PRH1: variants seen among roughly 807,000 people sequenced by gnomAD.
PRH1 encodes the protein salivary acidic proline-rich phosphoprotein 1/2.
PRH1 carries 7 observed loss-of-function variants against 7.9 expected under a neutral mutation model. The ratio of observed to expected loss-of-function variants is 0.89; its 90% confidence interval spans 0.50 to 1.67. The LOEUF (loss-of-function observed/expected upper bound fraction) is 1.67, where lower values mean the gene tolerates loss of function less well. PRH1 is among the 40% of genes most tolerant of loss of function. PRH1 has a pLI of 0.00. For missense variants in PRH1, 109 were observed against 223.6 expected, an observed-to-expected ratio of 0.49 and a Z score of 3.27; for synonymous variants, 45 against 80.8, an observed-to-expected ratio of 0.56 and a Z score of 2.38.
At chr12:11,110,790 A>C (rs551330656) in intron 1 of PRH1, among the ~76,000 whole-genome samples, 1 of 152,326 alleles carries the variant, frequency 6.6e-6, no homozygotes, top group East Asian at 1.9e-4. Context: ...ATAGGAAAAA[A>C]ATCACACATA....
chr12:11,021,570 A>G, intron 1 of PRH1: 3 of 933,550 alleles, frequency 3.2e-6, no homozygotes, highest in Non-Finnish European at 4.8e-6. Flanking sequence ...AAAAACTGAT[A>G]GAAATATAAA....
intron 1 of PRH1, among the ~76,000 whole-genome samples, chr12:11,128,110 C>CAA (rs71434172): frequency 7.0e-5 from 7 of 100,566 alleles, no homozygotes; most frequent in South Asian, 3.4e-4. Flanking sequence ...GACTCAGTCT[C>CAA]AAAAAAAAAA....
At chr12:10,929,005 C>G (rs188078774) in intron 2 of PRH1, among the ~76,000 whole-genome samples, 197 of 152,270 alleles carry the variant, frequency 1.3e-3, no homozygotes, top group African/African-American at 4.3e-3. Flanking sequence ...GACACAGTTC[C>G]GTCAAAACAT....
At chr12:11,114,556 T>C (rs1170993968) in intron 1 of PRH1, among the ~76,000 whole-genome samples, 1 of 152,142 alleles carries the variant, frequency 6.6e-6, no homozygotes. Context: ...CTAATGTAGA[T>C]GACGGGTTGA....
chr12:11,104,340 G>T (rs929683142), intron 1 of PRH1, among the ~76,000 whole-genome samples: 2 of 151,920 alleles, frequency 1.3e-5, no homozygotes, highest in African/African-American at 4.8e-5. Context: ...TCACTGTAGG[G>T]TTTTATCACC....
chr12:11,146,151 C>A (rs1592102125), intron 1 of PRH1, among the ~76,000 whole-genome samples: 1 of 152,012 alleles, frequency 6.6e-6, no homozygotes, highest in African/African-American at 2.4e-5. Flanking sequence ...TATCTGGATA[C>A]CTTTTTAGTA....
chr12:11,122,062 T>A (rs1255920221), intron 1 of PRH1, among the ~76,000 whole-genome samples: 1 of 152,246 alleles, frequency 6.6e-6, no homozygotes, highest in Non-Finnish European at 1.5e-5. Flanking sequence ...GTCAGTGTTG[T>A]TATTCATACA....
intron 1 of PRH1, among the ~76,000 whole-genome samples, chr12:11,167,960 T>C (rs1271716149): frequency 6.6e-6 from 1 of 152,000 alleles, no homozygotes; most frequent in Non-Finnish European, 1.5e-5. Context: ...AATAGATTCA[T>C]GTATAGGTGA....
intron 2 of PRH1, among the ~76,000 whole-genome samples, chr12:10,973,055 A>G (rs1039235849): frequency 2.0e-5 from 3 of 151,462 alleles, no homozygotes; most frequent in Non-Finnish European, 4.4e-5. Flanking sequence ...TTTCCCACTC[A>G]TGCTTTTTAG....
chr12:11,054,872 G>A (rs1429584777), intron 1 of PRH1, among the ~76,000 whole-genome samples: 2 of 129,552 alleles, frequency 1.5e-5, no homozygotes, highest in Non-Finnish European at 3.2e-5. Flanking sequence ...GCGAGATCTC[G>A]GCTCACTGCA....
intron 2 of PRH1, among the ~76,000 whole-genome samples, chr12:10,932,819 C>T (rs140572226): frequency 1.3e-5 from 2 of 151,634 alleles, no homozygotes; most frequent in African/African-American, 4.9e-5. Flanking sequence ...AGGGCAATTG[C>T]GTGTGAAAAT....
intron 2 of PRH1, among the ~76,000 whole-genome samples, chr12:10,940,029 A>G (rs60502626): frequency 0.022 from 3,388 of 152,288 alleles, 119 homozygotes; most frequent in African/African-American, 0.078. Flanking sequence ...AAAATAAAGA[A>G]AAATCAGATG....
At chr12:10,942,361 C>T (rs1950415946) in intron 2 of PRH1, among the ~76,000 whole-genome samples, 1 of 152,114 alleles carries the variant, frequency 6.6e-6, no homozygotes, top group Non-Finnish European at 1.5e-5. Context: ...CTAAGCATGT[C>T]TGAGCTCAGA....
intron 2 of PRH1, among the ~76,000 whole-genome samples, chr12:10,965,694 T>A (rs1938468943): frequency 1.3e-5 from 2 of 152,234 alleles, no homozygotes; most frequent in South Asian, 4.1e-4. Flanking sequence ...TCTCTTTCAG[T>A]GTTTTGCAAT....
chr12:10,977,819 G>C (rs1939172694), intron 1 of PRH1, among the ~76,000 whole-genome samples: 1 of 151,910 alleles, frequency 6.6e-6, no homozygotes, highest in South Asian at 2.1e-4. Context: ...AGCAGCAAAG[G>C]AATACAACAT....
intron 2 of PRH1, among the ~76,000 whole-genome samples, chr12:10,934,691 T>C (rs1950261689): frequency 6.6e-6 from 1 of 152,088 alleles, no homozygotes; most frequent in South Asian, 2.1e-4. Flanking sequence ...GCACATAGCT[T>C]TTTTCACAAA....
At chr12:11,171,536 C>T, upstream of PRH1, 1 of 1,232,288 alleles carries the variant, frequency 8.1e-7, no homozygotes, top group East Asian at 3.2e-5. Context: ...CGGTGATCCT[C>T]AACATCCGAT....
At chr12:10,931,310 A>C in intron 2 of PRH1, 2 of 938,382 alleles carry the variant, frequency 2.1e-6, no homozygotes, top group Non-Finnish European at 3.1e-6. Context: ...CCTCTCTTAA[A>C]TAGGGTTGGG....
chr12:11,028,066 T>C (rs1210910595), intron 1 of PRH1, among the ~76,000 whole-genome samples: 2 of 152,192 alleles, frequency 1.3e-5, no homozygotes, highest in Admixed American at 6.5e-5. Flanking sequence ...CTCTTCACTA[T>C]GTCCAATTCC....
Sources: gnomAD v4.1 joint callset for allele counts (sites outside exome capture counted in the v4.1 genomes callset) on GRCh38, gnomAD v4.1.1 for gene constraint, MANE v1.5 for transcripts, NCBI Gene and HGNC (gene_info 2026-07-23, HGNC 2026-07-21) for gene names.